Variants in SATB2 observed in about 807,000 individuals in gnomAD.
The protein encoded by SATB2 is SATB homeobox 2.
SATB2 carries 1 observed loss-of-function variant against 73.4 expected under a neutral mutation model. The ratio of observed to expected loss-of-function variants is 0.01; its 90% CI spans 0.00 to 0.06. The LOEUF is 0.06. Ranked by LOEUF, SATB2 falls within the 10% of genes least tolerant of loss-of-function variation. The pLI, the probability that SATB2 is intolerant of heterozygous loss-of-function variation, is 1.00. For synonymous variants in SATB2, 397 were observed against 367.0 expected (o/e 1.08, Z -0.93); for missense variants, 459 against 945.8 (o/e 0.49, Z 6.75).
chr2:199,345,104 T>C (rs1688611244), intron 7 of SATB2, among the ~76,000 whole-genome samples: 1 of 152,016 alleles, frequency 6.6e-6, no homozygotes. Flanking sequence ...CTGGCATTTC[T>C]TCTCTCTTTC....
intron 3 of SATB2, among the ~76,000 whole-genome samples, chr2:199,432,759 G>A (rs1039928898): frequency 3.3e-5 from 5 of 152,070 alleles, no homozygotes; most frequent in Non-Finnish European, 7.4e-5. Context: ...GGGCTCCCCA[G>A]TATTGTACAA....
chr2:199,466,500 ACTGT>A (rs1692595751), upstream of SATB2, among the ~76,000 whole-genome samples: 1 of 152,202 alleles, frequency 6.6e-6, no homozygotes, highest in Admixed American at 6.5e-5. Context: ...TCCTCCCAGC[ACTGT>A]CTCTCAGTAT....
chr2:199,402,616 A>T (rs943786652), intron 3 of SATB2, among the ~76,000 whole-genome samples: 4 of 152,240 alleles, frequency 2.6e-5, no homozygotes, highest in African/African-American at 9.6e-5. Context: ...GCATTAAAAA[A>T]TCAATTGCAT....
intron 3 of SATB2, among the ~76,000 whole-genome samples, chr2:199,429,889 G>T (rs2105924252): frequency 6.6e-6 from 1 of 152,334 alleles, no homozygotes; most frequent in Admixed American, 6.5e-5. Flanking sequence ...CAGCCTGGGT[G>T]ACAGAGCGAG....
intron 10 of SATB2, among the ~76,000 whole-genome samples, chr2:199,301,216 G>A (rs2105757792): frequency 6.6e-6 from 1 of 152,218 alleles, no homozygotes; most frequent in South Asian, 2.1e-4. Flanking sequence ...ACATGGAACT[G>A]AAAATCTCCC....
chr2:199,454,809 T>C (rs973653929), intron 2 of SATB2, among the ~76,000 whole-genome samples: 2 of 152,212 alleles, frequency 1.3e-5, no homozygotes, highest in Non-Finnish European at 2.9e-5. Flanking sequence ...AAGTAACTAT[T>C]TTGAAATACA....
intron 6 of SATB2, among the ~76,000 whole-genome samples, chr2:199,355,890 G>C (rs1688967388): frequency 6.6e-6 from 1 of 152,062 alleles, no homozygotes; most frequent in Non-Finnish European, 1.5e-5. Flanking sequence ...TATTGCTCTT[G>C]CAAGTTTATC....
chr2:199,446,949 C>T (rs1421779955), intron 2 of SATB2, among the ~76,000 whole-genome samples: 1 of 152,174 alleles, frequency 6.6e-6, no homozygotes, highest in Non-Finnish European at 1.5e-5. Context: ...ATATTCCCCC[C>T]TAAGTCTGTC....
chr2:199,434,640 C>T (rs924060743), intron 2 of SATB2, among the ~76,000 whole-genome samples: 34 of 152,110 alleles, frequency 2.2e-4, no homozygotes, highest in African/African-American at 7.5e-4. Flanking sequence ...AGTAGGCAGA[C>T]GGGGGAGGTA....
chr2:199,462,237 C>G (rs113166689), upstream of SATB2, among the ~76,000 whole-genome samples: 1 of 152,250 alleles, frequency 6.6e-6, no homozygotes, highest in Non-Finnish European at 1.5e-5. This position sits in a 1 kb window ranked among gnomAD's most constrained non-coding sequence, Gnocchi z 5.9. Context: ...CCTGCCTCTT[C>G]CCCTGGAGCT....
chr2:199,458,691 C>T (rs1047778069), upstream of SATB2: 6 of 443,142 alleles, frequency 1.4e-5, no homozygotes, highest in Admixed American at 2.4e-5. Flanking sequence ...GCCTCGGCTC[C>T]CAGCTCTGTT....
intron 10 of SATB2, among the ~76,000 whole-genome samples, chr2:199,296,704 AAACT>A (rs72080988): frequency 0.18 from 27,040 of 152,030 alleles, 2,684 homozygotes; most frequent in East Asian, 0.46. Flanking sequence ...TGTCTCAAAC[AAACT>A]AACAAACAAA....
At chr2:199,382,522 A>G (rs1689809672) in intron 3 of SATB2, among the ~76,000 whole-genome samples, 1 of 152,214 alleles carries the variant, frequency 6.6e-6, no homozygotes, top group Admixed American at 6.5e-5. Context: ...ATGCATAACA[A>G]TGAAAAAATA....
At chr2:199,434,697 C>T (rs2105930402) in intron 2 of SATB2, among the ~76,000 whole-genome samples, 1 of 152,162 alleles carries the variant, frequency 6.6e-6, no homozygotes, top group East Asian at 1.9e-4. Context: ...AAAAAGAAGA[C>T]CTCTGTGTGA....
chr2:199,435,906 T>G (rs566145802), intron 2 of SATB2, among the ~76,000 whole-genome samples: 6 of 152,304 alleles, frequency 3.9e-5, no homozygotes, highest in Admixed American at 3.9e-4. Flanking sequence ...GCATATAATC[T>G]TTGCCCAAGG....
At chr2:199,372,262 T>A (rs1252879813) in intron 5 of SATB2, among the ~76,000 whole-genome samples, 1 of 152,222 alleles carries the variant, frequency 6.6e-6, no homozygotes, top group African/African-American at 2.4e-5. Context: ...ATCTGGAATT[T>A]TTTTTAAATA....
intron 10 of SATB2, among the ~76,000 whole-genome samples, chr2:199,302,595 G>A (rs1195644045): frequency 6.6e-6 from 1 of 152,160 alleles, no homozygotes; most frequent in South Asian, 2.1e-4. Flanking sequence ...GGACTAGAGT[G>A]GGGATTCAAA....
intron 6 of SATB2, among the ~76,000 whole-genome samples, chr2:199,349,882 AAAG>A (rs1390073568): frequency 6.6e-6 from 1 of 152,198 alleles, no homozygotes. Context: ...ATAAAGATTA[AAAG>A]AATAACTTTG....
At chr2:199,345,280 C>G (rs1029608412) in intron 7 of SATB2, among the ~76,000 whole-genome samples, 3 of 152,058 alleles carry the variant, frequency 2.0e-5, no homozygotes, top group Non-Finnish European at 4.4e-5. Context: ...TTTTCTTTTT[C>G]TTTTCTTTTT....
Sources: allele counts gnomAD v4.1 joint callset (sites outside exome capture counted in the v4.1 genomes callset), GRCh38; gene constraint gnomAD v4.1.1; non-coding constraint Gnocchi (gnomAD v3.1); transcripts MANE v1.5; gene names NCBI Gene and HGNC (gene_info 2026-07-23, HGNC 2026-07-21).